FAM76A: variants seen among roughly 807,000 people sequenced by gnomAD.
FAM76A encodes the protein family with sequence similarity 76 member A.
Under a neutral mutation model 46.2 loss-of-function variants are expected in FAM76A, and 32 were observed. That is an observed-to-expected ratio of 0.69 (90% CI 0.52 to 0.93). FAM76A has a LOEUF of 0.93. Ranked by LOEUF, FAM76A falls within the 40% of genes least tolerant of loss-of-function variation. The probability of loss-of-function intolerance (pLI) is 0.00; values close to 1 mark genes in which losing one functional copy is unlikely to be tolerated. For synonymous variants in FAM76A, 137 were observed against 127.0 expected (o/e 1.08, Z -0.53); for missense variants, 274 against 361.5 (o/e 0.76, Z 1.96).
chr1:27,741,164 G>A (rs1321930100), intron 4 of FAM76A, among the ~76,000 whole-genome samples: 1 of 147,122 alleles, frequency 6.8e-6, no homozygotes, highest in Non-Finnish European at 1.5e-5. Context: ...TTCATGTGGT[G>A]AAATACCCAG....
intron 6 of FAM76A, among the ~76,000 whole-genome samples, chr1:27,750,864 A>G (rs2088319461): frequency 6.6e-6 from 1 of 152,216 alleles, no homozygotes; most frequent in Non-Finnish European, 1.5e-5. Context: ...TGTCCTCCAG[A>G]AAAGATATTA....
intron 1 of FAM76A, among the ~76,000 whole-genome samples, chr1:27,726,800 G>A (rs57344928): frequency 0.14 from 20,582 of 152,052 alleles, 3,499 homozygotes; most frequent in African/African-American, 0.39. Flanking sequence ...ATCAGTTTTT[G>A]CTCCTGAAGG....
chr1:27,746,381 C>T (rs559293481), intron 5 of FAM76A, among the ~76,000 whole-genome samples: 1 of 152,222 alleles, frequency 6.6e-6, no homozygotes, highest in South Asian at 2.1e-4. Flanking sequence ...CTTTTAGGAG[C>T]TTAGCCTAGA....
chr1:27,730,104 TG>T (rs1424959037), intron 2 of FAM76A: 1 of 154,482 alleles, frequency 6.5e-6, no homozygotes, highest in Non-Finnish European at 1.4e-5. Context: ...ATAGGAACTA[TG>T]ACCCTTTATT....
intron 5 of FAM76A, among the ~76,000 whole-genome samples, chr1:27,748,567 C>T (rs1324453203): frequency 0.024 from 5 of 208 alleles, no homozygotes; most frequent in African/African-American, 0.052. Context: ...CTGCAGGCTC[C>T]GCCCCCGGGG....
intron 6 of FAM76A, among the ~76,000 whole-genome samples, chr1:27,753,362 T>C (rs2088361305): frequency 6.6e-6 from 1 of 152,298 alleles, no homozygotes; most frequent in Middle Eastern, 3.4e-3. Flanking sequence ...ACTCTAGTTA[T>C]GGGTTTAAAT....
chr1:27,746,697 A>G (rs1175378991), intron 5 of FAM76A, among the ~76,000 whole-genome samples: 4 of 152,188 alleles, frequency 2.6e-5, no homozygotes, highest in African/African-American at 9.7e-5. Flanking sequence ...ACCGCACTCC[A>G]TGCTCGGTGA....
At chr1:27,741,840 G>A (rs951033080) in intron 4 of FAM76A, among the ~76,000 whole-genome samples, 3 of 151,124 alleles carry the variant, frequency 2.0e-5, no homozygotes, top group Middle Eastern at 3.2e-3. Context: ...TCAACACAGT[G>A]TCTCTGTGCT....
rs2088529842 is a variant in FAM76A at position 27,762,880 on chromosome 1, T to G, written c.*2299T>G. 6.6e-6 allele frequency: 1 copy of G among 152,134 alleles called. No individual in the cohort carries two copies. Among genetic ancestry groups the G allele is most frequent in the Admixed American group, 6.6e-5 (1 of 15,266 alleles). 9.4% of individuals were successfully genotyped at this position (152,134 alleles called of 1,614,324 possible). A position where few individuals can be genotyped will look rare whatever the true frequency, so the allele number is the denominator to read the frequency against. ...GTCTTGGCATTTAATATAAAGCAAA[T>G]TCACACGTTTTCTAACTTTCCATAA... On this transcript the variant is annotated 3_prime_UTR_variant, in exon 9 of 9. Transcript: ENST00000373954.
chr1:27,740,240 G>A, intron 4 of FAM76A: 1 of 686,866 alleles, frequency 1.5e-6, no homozygotes, highest in Non-Finnish European at 2.7e-6. Context: ...AGGCTACTAA[G>A]TACTCAGAGG....
chr1:27,743,683 T>C (rs1054636973), intron 4 of FAM76A, among the ~76,000 whole-genome samples: 3 of 151,984 alleles, frequency 2.0e-5, no homozygotes, highest in Non-Finnish European at 4.4e-5. Context: ...GAGGATTGCC[T>C]GAGTCCAGGA....
At chr1:27,752,898 G>C (rs1205063150) in intron 6 of FAM76A, among the ~76,000 whole-genome samples, 3 of 152,134 alleles carry the variant, frequency 2.0e-5, no homozygotes, top group African/African-American at 7.2e-5. Flanking sequence ...GGTGGCTCAC[G>C]CCTGTAATCC....
intron 7 of FAM76A, among the ~76,000 whole-genome samples, chr1:27,756,021 AATAAGCAT>A (rs2088404246): frequency 6.6e-6 from 1 of 152,238 alleles, no homozygotes; most frequent in Non-Finnish European, 1.5e-5. Flanking sequence ...GAAGGTGCTG[AATAAGCAT>A]AGAGTTGGGA....
intron 6 of FAM76A, among the ~76,000 whole-genome samples, chr1:27,752,464 T>A (rs76967069): frequency 6.6e-6 from 1 of 152,240 alleles, no homozygotes; most frequent in Non-Finnish European, 1.5e-5. Context: ...ATACACTGGC[T>A]ACTTTTTAAT....
intron 7 of FAM76A, among the ~76,000 whole-genome samples, chr1:27,758,265 G>A (rs1233846626): frequency 6.6e-6 from 1 of 152,208 alleles, no homozygotes; most frequent in East Asian, 1.9e-4. Context: ...GGGACTGGAA[G>A]TCTTTCTGAC....
chr1:27,752,390 A>G (rs780292622), intron 6 of FAM76A, among the ~76,000 whole-genome samples: 38 of 152,188 alleles, frequency 2.5e-4, no homozygotes, highest in Non-Finnish European at 3.7e-4. Flanking sequence ...TGTTGAAATT[A>G]TAACAAAAAC....
intron 4 of FAM76A, among the ~76,000 whole-genome samples, 195 bp from the exon 5 acceptor site, chr1:27,744,459 T>A (rs1278035377): frequency 6.6e-6 from 1 of 152,162 alleles, no homozygotes; most frequent in Non-Finnish European, 1.5e-5. Flanking sequence ...AACTTTTATG[T>A]GCCTGGCACT....
chr1:27,729,236 C>A (rs1399616107), intron 2 of FAM76A, among the ~76,000 whole-genome samples: 1 of 149,808 alleles, frequency 6.7e-6, no homozygotes, highest in Admixed American at 6.6e-5. Flanking sequence ...GAGACAGGGT[C>A]TCTCTCTGTC....
At chr1:27,740,042 G>C in intron 4 of FAM76A, 1 of 391,150 alleles carries the variant, frequency 2.6e-6, no homozygotes, top group Non-Finnish European at 5.0e-6. Context: ...CTAGACTCTG[G>C]GTCCACCTGG....
Sources: allele counts gnomAD v4.1 joint callset (sites outside exome capture counted in the v4.1 genomes callset), GRCh38; gene constraint gnomAD v4.1.1; transcripts MANE v1.5; gene names NCBI Gene and HGNC (gene_info 2026-07-23, HGNC 2026-07-21).